The following PTAFR variants were observed in gnomAD, a reference collection of about 807,000 sequenced individuals.
The protein encoded by PTAFR is platelet-activating factor receptor.
In PTAFR, 8 loss-of-function variants were observed where a neutral mutation model predicts 14.7. That is an observed-to-expected ratio of 0.54 (90% CI 0.32 to 0.98). The LOEUF is 0.98. PTAFR is among the 50% of genes least tolerant of loss of function. PTAFR has a pLI of 0.04. For missense variants in PTAFR, 337 were observed against 451.2 expected (o/e 0.75, Z 2.29); for synonymous variants, 156 against 176.5 (o/e 0.88, Z 0.92).
chr1:28,178,597 A>C (rs1291912245), upstream of PTAFR, among the ~76,000 whole-genome samples: 2 of 152,054 alleles, frequency 1.3e-5, no homozygotes, highest in East Asian at 3.9e-4. Context: ...TCAGTCATGT[A>C]GAACTAGAGC....
chr1:28,153,609 G>T (rs566842049), intron 1 of PTAFR, among the ~76,000 whole-genome samples: 91 of 150,292 alleles, frequency 6.1e-4, no homozygotes, highest in Non-Finnish European at 1.0e-3. Flanking sequence ...AAAAATACAG[G>T]CTAGGCGCGG....
At chr1:28,189,976 T>TCTTAGCACATTA (rs1396097360) in intron 1 of PTAFR, among the ~76,000 whole-genome samples, 4 of 148,694 alleles carry the variant, frequency 2.7e-5, no homozygotes, top group African/African-American at 5.0e-5. Context: ...AAATAACATT[T>TCTTAGCACATTA]ATTTTTTTTG....
chr1:28,156,379 G>A (rs1646264164), intron 1 of PTAFR, among the ~76,000 whole-genome samples: 1 of 152,056 alleles, frequency 6.6e-6, no homozygotes, highest in Non-Finnish European at 1.5e-5. Context: ...ACATATCACA[G>A]CAGCCTAAGT....
At chr1:28,187,380 T>C (rs966939341) in intron 1 of PTAFR, among the ~76,000 whole-genome samples, 1 of 152,020 alleles carries the variant, frequency 6.6e-6, no homozygotes, top group Admixed American at 6.6e-5. Context: ...AAAAAAATAA[T>C]AAAATTAGAT....
upstream of PTAFR, among the ~76,000 whole-genome samples, chr1:28,181,654 A>G (rs1646563553): frequency 6.6e-6 from 1 of 152,092 alleles, no homozygotes; most frequent in Non-Finnish European, 1.5e-5. Flanking sequence ...AGGCAGGAGA[A>G]TTGCTTGAAC....
intron 1 of PTAFR, among the ~76,000 whole-genome samples, chr1:28,162,589 G>A (rs1646336222): frequency 6.6e-6 from 1 of 152,148 alleles, no homozygotes; most frequent in African/African-American, 2.4e-5. Context: ...AGTTTGGGAG[G>A]CTGAGGCAGG....
intron 1 of PTAFR, among the ~76,000 whole-genome samples, chr1:28,189,469 C>T (rs770599861): frequency 9.2e-5 from 14 of 151,504 alleles, no homozygotes; most frequent in Non-Finnish European, 1.8e-4. Context: ...AAAAATTAGC[C>T]GGGCATGGTG....
At chr1:28,171,142 A>G (rs1008821578) in intron 1 of PTAFR, among the ~76,000 whole-genome samples, 5 of 151,952 alleles carry the variant, frequency 3.3e-5, no homozygotes, top group Admixed American at 3.3e-4. Flanking sequence ...GGCCAACATG[A>G]CGAAACCCCA....
At chr1:28,168,543 G>T (rs907465315) in intron 1 of PTAFR, among the ~76,000 whole-genome samples, 5 of 152,178 alleles carry the variant, frequency 3.3e-5, no homozygotes, top group Non-Finnish European at 5.9e-5. Context: ...TATTATATGA[G>T]ACATTTAAAG....
intron 1 of PTAFR, among the ~76,000 whole-genome samples, chr1:28,188,825 A>C (rs1019474052): frequency 1.3e-5 from 2 of 152,232 alleles, no homozygotes; most frequent in African/African-American, 2.4e-5. Context: ...GCATAATATA[A>C]ATTTTAGAAG....
At chr1:28,167,209 A>G (rs1646395244) in intron 1 of PTAFR, among the ~76,000 whole-genome samples, 1 of 152,152 alleles carries the variant, frequency 6.6e-6, no homozygotes, top group African/African-American at 2.4e-5. Context: ...TTCGGATGGA[A>G]CCAGATATCA....
In PTAFR at chr1:28,149,325, C is replaced by CTTTTTT. The variant is rs34668678; in HGVS notation, c.*662_*667dup. On this transcript the variant is annotated 3_prime_UTR_variant, in exon 2 of 2. Coordinates refer to ENST00000373857, the MANE Select transcript of PTAFR (RefSeq NM_000952.5). ...ATCACTTGAGAGTAGTTGCCCAAAG[C>CTTTTTT]TTTTTTTTTTTTTTTTTTTTTTTTT... 1.1e-4 allele frequency: 8 copies of CTTTTTT among 69,608 alleles called. No individual in the cohort carries two copies. The highest frequency in any genetic ancestry group is 1.3e-4 in the African/African-American group (2 of 14,970). 4.3% of individuals were successfully genotyped at this position (69,608 alleles called of 1,614,324 possible).
intron 1 of PTAFR, among the ~76,000 whole-genome samples, chr1:28,184,154 G>A (rs566992835): frequency 3.6e-4 from 51 of 140,438 alleles, no homozygotes; most frequent in African/African-American, 1.3e-3. Flanking sequence ...GTGCAGTAGC[G>A]TGATCTCAGC....
intron 1 of PTAFR, among the ~76,000 whole-genome samples, chr1:28,158,379 G>T (rs1646289231): frequency 6.6e-6 from 1 of 152,156 alleles, no homozygotes; most frequent in African/African-American, 2.4e-5. Context: ...AAAACTTTAA[G>T]GAGTTGAGAA....
intron 1 of PTAFR, among the ~76,000 whole-genome samples, chr1:28,186,036 G>T (rs1646603459): frequency 6.6e-6 from 1 of 151,968 alleles, no homozygotes; most frequent in South Asian, 2.1e-4. Context: ...GGAGTGCAGT[G>T]GCGCCATCTC....
intron 1 of PTAFR, among the ~76,000 whole-genome samples, chr1:28,162,898 G>A (rs1468549043): frequency 1.4e-5 from 2 of 147,512 alleles, no homozygotes; most frequent in Admixed American, 6.8e-5. Flanking sequence ...TGCACGCACC[G>A]AAATCTGAGA....
intron 1 of PTAFR, among the ~76,000 whole-genome samples, chr1:28,153,568 A>G (rs1297742550): frequency 6.1e-5 from 9 of 147,306 alleles, no homozygotes; most frequent in Admixed American, 6.1e-4. Flanking sequence ...AACATGGTGA[A>G]ACCCTGTCTC....
At chr1:28,162,637 C>A (rs1490198305) in intron 1 of PTAFR, among the ~76,000 whole-genome samples, 1 of 151,780 alleles carries the variant, frequency 6.6e-6, no homozygotes, top group Non-Finnish European at 1.5e-5. Context: ...ACCAGCCTGA[C>A]CAACATAATG....
rs754000025 is a variant in PTAFR at position 28,149,970 on chromosome 1, G to A, written c.*23C>T. 2 of 1,593,452 alleles carry A rather than the reference G, an allele frequency of 1.3e-6. No homozygotes were observed. Among genetic ancestry groups the A allele is most frequent in the East Asian group, 4.5e-5 (2 of 44,816 alleles). ...AGTCCATGATGTTCATGGAGGAGAA[G>A]ACTTCAGGCCTGGAAGCAGGGACTA... On this transcript the variant is annotated 3_prime_UTR_variant, in exon 2 of 2. Transcript: ENST00000373857.
Sources: allele counts gnomAD v4.1 joint callset (sites outside exome capture counted in the v4.1 genomes callset), GRCh38; gene constraint gnomAD v4.1.1; transcripts MANE v1.5; gene names NCBI Gene and HGNC (gene_info 2026-07-23, HGNC 2026-07-21).